The following ASTN2 variants were observed in gnomAD, a reference collection of about 807,000 sequenced individuals.
ASTN2 encodes astrotactin 2, also known as astrotactin-2.
ASTN2 carries 54 observed loss-of-function variants against 139.8 expected under a neutral mutation model. The observed-to-expected ratio is 0.39, with a 90% confidence interval of 0.31 to 0.48. The LOEUF is 0.48. Among genes scored for constraint, ASTN2 ranks in the 20% least tolerant of loss-of-function variants. The probability of loss-of-function intolerance (pLI) is 0.95; values close to 1 mark genes in which losing one functional copy is unlikely to be tolerated. For synonymous variants in ASTN2, 756 were observed against 719.5 expected (o/e 1.05, Z -0.81); for missense variants, 1,565 against 1,725.1 (o/e 0.91, Z 1.64).
chr9:116,914,153 A>G (rs1324719338), intron 10 of ASTN2, among the ~76,000 whole-genome samples: 1 of 151,686 alleles, frequency 6.6e-6, no homozygotes, highest in Non-Finnish European at 1.5e-5. Context: ...AACTCGTGCT[A>G]TGGGGACGAG....
intron 1 of ASTN2, among the ~76,000 whole-genome samples, chr9:117,348,820 T>G (rs1488313784): frequency 6.9e-6 from 1 of 144,294 alleles, no homozygotes; most frequent in Non-Finnish European, 1.5e-5. Context: ...ATTTCATTAA[T>G]AACAGATCTC....
chr9:117,340,793 G>T (rs1829042619), intron 1 of ASTN2, among the ~76,000 whole-genome samples: 1 of 152,176 alleles, frequency 6.6e-6, no homozygotes, highest in Non-Finnish European at 1.5e-5. Flanking sequence ...TAAGGGTGAG[G>T]AGGCTAGGAC....
At chr9:116,839,583 G>A (rs987046463) in intron 11 of ASTN2, among the ~76,000 whole-genome samples, 11 of 151,818 alleles carry the variant, frequency 7.2e-5, no homozygotes, top group Non-Finnish European at 1.5e-4. Flanking sequence ...AGGTTTAAGC[G>A]ATTCTTATGC....
chr9:116,463,458 C>T (rs192406877), intron 20 of ASTN2, among the ~76,000 whole-genome samples: 8 of 152,310 alleles, frequency 5.3e-5, no homozygotes, highest in Admixed American at 3.9e-4. Flanking sequence ...TCATTATATG[C>T]TTCAGCAATA....
At chr9:117,169,222 C>A (rs1259351483) in intron 3 of ASTN2, among the ~76,000 whole-genome samples, 1 of 150,998 alleles carries the variant, frequency 6.6e-6, no homozygotes, top group Admixed American at 6.6e-5. Context: ...AAAAAAAAAT[C>A]TCATTCATTT....
chr9:117,290,570 G>A (rs929471884), intron 2 of ASTN2, among the ~76,000 whole-genome samples: 1 of 152,096 alleles, frequency 6.6e-6, no homozygotes, highest in African/African-American at 2.4e-5. Context: ...TCCATTCTTG[G>A]CAAGAGCACA....
At chr9:117,149,907 G>A (rs563401844) in intron 3 of ASTN2, among the ~76,000 whole-genome samples, 2 of 152,036 alleles carry the variant, frequency 1.3e-5, no homozygotes, top group South Asian at 4.2e-4. Context: ...TTAAACCTTT[G>A]GTGCCTGGCA....
intron 19 of ASTN2, among the ~76,000 whole-genome samples, chr9:116,595,488 G>A (rs761751301): frequency 7.2e-5 from 11 of 152,054 alleles, no homozygotes; most frequent in African/African-American, 1.4e-4. Context: ...CACCATGCCT[G>A]GCTAATTTTT....
intron 10 of ASTN2, among the ~76,000 whole-genome samples, chr9:116,957,402 A>G (rs1176915911): frequency 6.6e-6 from 1 of 152,220 alleles, no homozygotes; most frequent in Non-Finnish European, 1.5e-5. Context: ...TAATATAATT[A>G]CTGACATCAG....
At position 116,425,270 on chromosome 9, in the gene ASTN2, G is replaced by T. The variant is rs893476531; in HGVS notation, c.*581C>A. The stretch of plus-strand genomic sequence containing the variant: ...TTTAATGCATGGACAGGCCTGCAGG[G>T]ACTCTGGGCAGACCCACAGGTAGCA... On this transcript the variant is annotated 3_prime_UTR_variant, in exon 23 of 23. Coordinates refer to ENST00000313400, the MANE Select transcript of ASTN2 (RefSeq NM_001365068.1). The T allele has an allele frequency of 5.2e-5, 22 of 424,236 alleles. No individual in the cohort carries two copies. In the Admixed American group the frequency reaches 6.9e-4, roughly 13 times the overall value. 26.3% of individuals were successfully genotyped at this position (424,236 alleles called of 1,614,324 possible). A position where few individuals can be genotyped will look rare whatever the true frequency, so the allele number is the denominator to read the frequency against.
intron 16 of ASTN2, among the ~76,000 whole-genome samples, chr9:116,684,356 GGA>G (rs1860069513): frequency 6.6e-6 from 1 of 152,144 alleles, no homozygotes; most frequent in African/African-American, 2.4e-5. Context: ...AATGGGGTCT[GGA>G]GAGAGAGAAA....
rs1046346181 is a variant in ASTN2 at position 116,699,879 on chromosome 9, C to T, written c.2806+25892G>A. 7.3e-6 allele frequency: 6 copies of T among 816,420 alleles called. No individual in the cohort carries two copies. Among genetic ancestry groups the T allele is most frequent in the East Asian group, 2.7e-5 (1 of 37,348 alleles). The allele number at this position is 816,420 out of a possible 1,614,324, so 50.6% of individuals were successfully genotyped here. A position where few individuals can be genotyped will look rare whatever the true frequency, so the allele number is the denominator to read the frequency against. ...TTTTTATTTGTTATGTCCCCCTCCC[C>T]GCTTCCCACCTAAATTTAGAGCTTT... is the stretch of plus-strand genomic sequence containing the variant. On this transcript the variant is annotated intron_variant, in intron 16 of 22. Coordinates refer to ENST00000313400, the MANE Select transcript of ASTN2 (RefSeq NM_001365068.1). This position sits in a 1 kb window ranked among gnomAD's most constrained non-coding sequence, Gnocchi z 4.2.
At chr9:116,713,991 T>C (rs719535) in intron 16 of ASTN2, among the ~76,000 whole-genome samples, 111,437 of 152,056 alleles carry the variant, frequency 0.73, 41,212 homozygotes, top group Middle Eastern at 0.81. Flanking sequence ...AAATAATAAT[T>C]TGGACCTCAC....
chr9:117,199,879 C>A (rs1831644747), intron 3 of ASTN2, among the ~76,000 whole-genome samples: 1 of 151,756 alleles, frequency 6.6e-6, no homozygotes, highest in Non-Finnish European at 1.5e-5. Flanking sequence ...GTATTTTATT[C>A]TCTTTGCATG....
intron 13 of ASTN2, among the ~76,000 whole-genome samples, chr9:116,741,658 T>G (rs568256138): frequency 2.6e-5 from 4 of 152,288 alleles, no homozygotes; most frequent in African/African-American, 9.6e-5. Context: ...CTGAGAAGAA[T>G]GGGCTGGTAC....
At chr9:117,266,015 A>G (rs1180448680) in intron 2 of ASTN2, among the ~76,000 whole-genome samples, 1 of 152,202 alleles carries the variant, frequency 6.6e-6, no homozygotes, top group Non-Finnish European at 1.5e-5. Context: ...TCTAGTGGTA[A>G]AATGAGCTAA....
At chr9:117,271,431 C>T (rs1372674035) in intron 2 of ASTN2, among the ~76,000 whole-genome samples, 1 of 152,148 alleles carries the variant, frequency 6.6e-6, no homozygotes, top group African/African-American at 2.4e-5. Flanking sequence ...CAAAGCCAAA[C>T]CATATCATTC....
intron 1 of ASTN2, among the ~76,000 whole-genome samples, chr9:117,315,881 C>A (rs971462825): frequency 1.3e-5 from 2 of 152,108 alleles, no homozygotes; most frequent in Non-Finnish European, 2.9e-5. Flanking sequence ...AACCTCCAGG[C>A]ACATAAGTAT....
chr9:116,623,652 T>C (rs1856288460), intron 17 of ASTN2, among the ~76,000 whole-genome samples: 2 of 152,220 alleles, frequency 1.3e-5, no homozygotes, highest in South Asian at 2.1e-4. Flanking sequence ...GCTAGTTTGC[T>C]GGACCAAGGT....
Sources: allele counts gnomAD v4.1 joint callset (sites outside exome capture counted in the v4.1 genomes callset), GRCh38; gene constraint gnomAD v4.1.1; non-coding constraint Gnocchi (gnomAD v3.1); transcripts MANE v1.5; gene names NCBI Gene and HGNC (gene_info 2026-07-23, HGNC 2026-07-21).